LAMA3: variants seen among roughly 807,000 people sequenced by gnomAD.
LAMA3 encodes laminin subunit alpha 3.
LAMA3 carries 281 observed loss-of-function variants against 402.0 expected under a neutral mutation model. That is an observed-to-expected ratio of 0.70 (90% CI 0.63 to 0.77). The LOEUF is 0.77. Ranked by LOEUF, LAMA3 falls within the 30% of genes least tolerant of loss-of-function variation. LAMA3 has a pLI of 0.00. For missense variants in LAMA3, 3,840 were observed against 4,215.5 expected, an observed-to-expected ratio of 0.91 and a Z score of 2.47; for synonymous variants, 1,431 against 1,558.4, an observed-to-expected ratio of 0.92 and a Z score of 1.93.
chr18:23,920,956 A>G lies in LAMA3; in HGVS notation c.7945A>G (p.Ile2649Val). The G allele has an allele frequency of 6.2e-7, 1 of 1,614,086 alleles. No homozygotes were observed. Among genetic ancestry groups the G allele is most frequent in the Non-Finnish European group, 8.5e-7 (1 of 1,179,970 alleles). ...ENGDRFISLN[I>V]EDGKLMVRYK... is the part of the protein sequence containing the mutation. ...CTAGGATCGCTTCATATCTCTAAAT[A>G]TAGAAGATGGCAAGCTCATGGTGAG... The change falls in exon 61 of 75, where the codon ATA (isoleucine) becomes GTA (valine). Residue 2649 changes from isoleucine to valine, a missense_variant. By Grantham distance (29) the Ile-to-Val change is conservative. Coordinates refer to ENST00000313654, the MANE Select transcript of LAMA3 (RefSeq NM_198129.4).
intron 6 of LAMA3, among the ~76,000 whole-genome samples, chr18:23,756,978 C>T (rs937406970): frequency 4.9e-5 from 7 of 143,432 alleles, no homozygotes. Flanking sequence ...CAGTAACTGG[C>T]TGAAGCACCA....
At chr18:23,813,533 CT>C in intron 14 of LAMA3, among the ~76,000 whole-genome samples, 2 of 137,332 alleles carry the variant, frequency 1.5e-5, no homozygotes, top group Admixed American at 1.4e-4. Flanking sequence ...CATTTTTTTT[CT>C]TTTTCTTTTC....
rs1002717654 is a variant in LAMA3 at position 23,921,054 on chromosome 18, G to A, written c.8043G>A (p.Ser2681=). 1.2e-5 allele frequency: 20 copies of A among 1,613,702 alleles called. No individual in the cohort carries two copies. The highest frequency in any genetic ancestry group is 1.7e-5 in the Admixed American group (1 of 59,982). ...GDAINNGRDH[S]IQIKIGKLQK... ...CCATAAACAACGGCAGAGACCATTC[G>A]GTACACCTTTTGAGTCTGTTTACTT... The change falls in exon 61 of 75, where the codon TCG becomes TCA. Residue 2681 remains serine, a splice_region_variant and synonymous_variant. Transcript: ENST00000313654.
At chr18:23,816,203 C>T (rs191307207) in intron 17 of LAMA3, among the ~76,000 whole-genome samples, 185 bp from the exon 18 acceptor site, 4 of 152,220 alleles carry the variant, frequency 2.6e-5, no homozygotes, top group South Asian at 2.1e-4. Context: ...GATTTCCAAG[C>T]GCGGACACAC....
chr18:23,860,189 ACTTCT>A (rs1360338801), intron 34 of LAMA3, among the ~76,000 whole-genome samples: 5 of 146,210 alleles, frequency 3.4e-5, no homozygotes, highest in Middle Eastern at 3.7e-3. Context: ...TCTCATTTTT[ACTTCT>A]CTTCTTTCTG....
Position 23,879,331 on chromosome 18 carries a change from T to G in LAMA3, c.5113-2605T>G, listed in dbSNP as rs1158999271. 6.6e-6 allele frequency among the ~76,000 whole-genome samples: 1 copy of G among 152,190 alleles called. No homozygotes were observed. Among genetic ancestry groups the G allele is most frequent in the African/African-American group, 2.4e-5 (1 of 41,454 alleles). On this transcript the variant is annotated intron_variant, in intron 39 of 74. Coordinates refer to ENST00000313654, the MANE Select transcript of LAMA3 (RefSeq NM_198129.4). This position sits in a 1 kb window ranked among gnomAD's most constrained non-coding sequence, Gnocchi z 4.2. ...ACACACTGCCATGCTATTGTGAGAC[T>G]GAGGTTCTGCACGCTGTGTCCCCTG...
intron 32 of LAMA3, among the ~76,000 whole-genome samples, chr18:23,851,744 C>T (rs986401796): frequency 6.6e-6 from 1 of 152,190 alleles, no homozygotes; most frequent in Non-Finnish European, 1.5e-5. Context: ...TCCTATTCCA[C>T]CTTTATTGCA....
At chr18:23,853,492 C>G (rs973403876) in intron 32 of LAMA3, among the ~76,000 whole-genome samples, 2 of 152,110 alleles carry the variant, frequency 1.3e-5, no homozygotes, top group African/African-American at 4.8e-5. Context: ...AGGCTGTTCT[C>G]GAACTCCCGA....
intron 35 of LAMA3, 39 bp downstream of exon 35, chr18:23,861,846 C>A: frequency 3.2e-6 from 5 of 1,579,872 alleles, no homozygotes; most frequent in Non-Finnish European, 4.3e-6. Flanking sequence ...CCTCAGTGGG[C>A]CTCTGCTATT....
rs1177279251 is a variant in LAMA3, at chr18:23,689,915, C to T, written c.232C>T (p.Pro78Ser). Residue 78 changes from proline to serine, a missense_variant, in exon 1 of 75, where the codon CCC (proline) becomes TCC (serine). Pro to Ser is a moderately conservative substitution (Grantham distance 74, BLOSUM62 -1). Transcript: ENST00000313654. ...ERGPGEGRPQPELYCKLVGGP... is the reference protein window; with the variant it reads ...ERGPGEGRPQSELYCKLVGGP... Reference sequence around the variant, plus strand: ...GGGACCCGGCGAGGGGAGGCCCCAGCCCGAGCTCTACTGCAAGTTGGTCGG... The same window carrying T: ...GGGACCCGGCGAGGGGAGGCCCCAGTCCGAGCTCTACTGCAAGTTGGTCGG... The T allele has an allele frequency of 6.5e-7, 1 of 1,533,342 alleles. No individual in the cohort carries two copies. The highest frequency in any genetic ancestry group is 8.8e-7 in the Non-Finnish European group (1 of 1,140,184). 95.0% of individuals were successfully genotyped at this position (1,533,342 alleles called of 1,614,324 possible).
chr18:23,804,356 C>T (rs1339057090), intron 12 of LAMA3, among the ~76,000 whole-genome samples: 1 of 152,200 alleles, frequency 6.6e-6, no homozygotes, highest in Non-Finnish European at 1.5e-5. Flanking sequence ...GGACCTGCTG[C>T]AGAGCCTTCC....
chr18:23,699,047 A>G (rs986640476), intron 1 of LAMA3, among the ~76,000 whole-genome samples: 1 of 151,812 alleles, frequency 6.6e-6, no homozygotes, highest in Non-Finnish European at 1.5e-5. Flanking sequence ...AGAGAGAGAG[A>G]GAGAGAGAAA....
At position 23,954,801 on chromosome 18, in the gene LAMA3, A is replaced by G. The variant is rs2083057075; in HGVS notation, c.*153A>G. ...TTTTGAATTCTGACCATGGATACCC[A>G]TCACTTTGGCATTCAGTGCTACATG... On this transcript the variant is annotated 3_prime_UTR_variant, in exon 75 of 75. Transcript: ENST00000313654. 1.3e-6 allele frequency: 1 copy of G among 780,364 alleles called. No homozygotes were observed. Among genetic ancestry groups the G allele is most frequent in the East Asian group, 2.5e-5 (1 of 39,384 alleles). The allele number at this position is 780,364 out of a possible 1,614,324, so 48.3% of individuals were successfully genotyped here.
At position 23,932,250 on chromosome 18, in the gene LAMA3, G is replaced by A. The variant is rs1286158622; in HGVS notation, c.8667G>A (p.Gly2889=). 6.8e-6 allele frequency: 11 copies of A among 1,614,090 alleles called. No individual in the cohort carries two copies. The highest frequency in any genetic ancestry group is 5.9e-6 in the Non-Finnish European group (7 of 1,179,958). Residue 2889 remains glycine, a synonymous_variant, in exon 66 of 75, where the codon GGG becomes GGA. Transcript: ENST00000313654. ...CCCGGCAGTCTCTGCGTCTGGGCGG[G>A]AGCAATTTTGAGGGTTGTATTAGCA... ...SSSRQSLRLG[G]SNFEGCISNV...
At chr18:23,784,761 A>C (rs796788501) in intron 12 of LAMA3, among the ~76,000 whole-genome samples, 10 of 152,160 alleles carry the variant, frequency 6.6e-5, no homozygotes, top group African/African-American at 2.4e-4. Context: ...GGGTGAGTGA[A>C]CACATGAATG....
intron 14 of LAMA3, 134 bp downstream of exon 14, chr18:23,813,237 T>C: frequency 1.5e-6 from 1 of 664,798 alleles, no homozygotes. Context: ...GTCATTGTTG[T>C]TTTTCAAAGA....
rs151248120 is a variant in LAMA3, at chr18:23,855,592, T to G, written c.4137-2252T>G. 3.3e-3 allele frequency among the ~76,000 whole-genome samples: 495 copies of G among 152,300 alleles called. 15 individuals carry two copies. In the East Asian group the frequency reaches 0.062, roughly 19 times the overall value. ...GTTATTAACCTGGGGCCAGGAGCCC[T>G]CTGATAAGAGAATGCAAAATTGTGT... On this transcript the variant is annotated intron_variant, in intron 32 of 74. Coordinates refer to ENST00000313654, the MANE Select transcript of LAMA3 (RefSeq NM_198129.4).
intron 37 of LAMA3, among the ~76,000 whole-genome samples, chr18:23,870,744 G>A (rs1391095993): frequency 2.6e-5 from 4 of 152,172 alleles, no homozygotes; most frequent in African/African-American, 4.8e-5. Flanking sequence ...ACAAAAGGAC[G>A]AATACTTCAT....
At chr18:23,887,356 G>T (rs1264508362) in intron 41 of LAMA3, among the ~76,000 whole-genome samples, 3 of 152,142 alleles carry the variant, frequency 2.0e-5, no homozygotes. Flanking sequence ...AGCCACAGGG[G>T]ACCAACACCT....
Sources: allele counts gnomAD v4.1 joint callset (sites outside exome capture counted in the v4.1 genomes callset), GRCh38; gene constraint gnomAD v4.1.1; non-coding constraint Gnocchi (gnomAD v3.1); transcripts MANE v1.5; gene names NCBI Gene and HGNC (gene_info 2026-07-23, HGNC 2026-07-21).